The following NKAIN3 variants were observed in gnomAD, a reference collection of about 807,000 sequenced individuals.
NKAIN3 encodes sodium/potassium-transporting ATPase subunit beta-1-interacting protein 3.
In NKAIN3, 25 loss-of-function variants were observed where a neutral mutation model predicts 30.2. That is an observed-to-expected ratio of 0.83 (90% CI 0.60 to 1.16). The LOEUF is 1.16. Ranked by LOEUF, NKAIN3 falls within the 50% of genes most tolerant of loss-of-function variation. The pLI is 0.00. For missense variants in NKAIN3, 225 were observed against 254.1 expected, an observed-to-expected ratio of 0.89 and a Z score of 0.78; for synonymous variants, 91 against 89.6, an observed-to-expected ratio of 1.02 and a Z score of -0.09.
At chr8:62,799,839 G>A (rs1175824056) in intron 4 of NKAIN3, among the ~76,000 whole-genome samples, 2 of 152,070 alleles carry the variant, frequency 1.3e-5, no homozygotes, top group Non-Finnish European at 2.9e-5. Context: ...AGAAAATGTG[G>A]CATATATATA....
chr8:62,821,807 C>T (rs1366986712), intron 4 of NKAIN3, among the ~76,000 whole-genome samples: 3 of 151,586 alleles, frequency 2.0e-5, no homozygotes, highest in Admixed American at 1.3e-4. Flanking sequence ...ATTCACAAGC[C>T]CATGAGTGTG....
chr8:62,657,156 T>TTGCAAAGTA (rs1177720970), intron 3 of NKAIN3, among the ~76,000 whole-genome samples: 2 of 152,212 alleles, frequency 1.3e-5, no homozygotes, highest in Non-Finnish European at 2.9e-5. Context: ...GAATTCTACC[T>TTGCAAAGTA]TGCAAAGTAA....
At chr8:62,490,270 A>G (rs1321313420) in intron 1 of NKAIN3, among the ~76,000 whole-genome samples, 1 of 152,168 alleles carries the variant, frequency 6.6e-6, no homozygotes, top group Non-Finnish European at 1.5e-5. Context: ...CTTCCCTGAA[A>G]GAAGAAATTC....
chr8:62,631,543 C>G (rs574181563), intron 3 of NKAIN3, among the ~76,000 whole-genome samples: 1 of 152,112 alleles, frequency 6.6e-6, no homozygotes, highest in African/African-American at 2.4e-5. Context: ...AAAGAAAAGC[C>G]AAAATATTTA....
intron 1 of NKAIN3, among the ~76,000 whole-genome samples, chr8:62,489,325 G>C (rs928744060): frequency 2.6e-5 from 4 of 152,050 alleles, no homozygotes; most frequent in South Asian, 2.1e-4. Flanking sequence ...ACGCCCAGCT[G>C]TCTAAGTCTT....
intron 4 of NKAIN3, among the ~76,000 whole-genome samples, chr8:62,906,021 GA>G (rs1245073669): frequency 6.6e-6 from 1 of 152,160 alleles, no homozygotes; most frequent in African/African-American, 2.4e-5. Context: ...CACCCCCACA[GA>G]AAGTAGGCTG....
At chr8:62,353,035 C>T (rs558046486) in intron 1 of NKAIN3, among the ~76,000 whole-genome samples, 1 of 152,186 alleles carries the variant, frequency 6.6e-6, no homozygotes, top group Non-Finnish European at 1.5e-5. Flanking sequence ...ACAGTCTGCA[C>T]TCCCAGATGT....
intron 4 of NKAIN3, among the ~76,000 whole-genome samples, chr8:62,788,545 T>C (rs537180517): frequency 6.6e-6 from 1 of 152,124 alleles, no homozygotes; most frequent in Non-Finnish European, 1.5e-5. Context: ...TTAATTAGAT[T>C]CCGTTTGTCA....
chr8:62,325,687 AGGT>A (rs1294152222), intron 1 of NKAIN3, among the ~76,000 whole-genome samples: 8 of 152,092 alleles, frequency 5.3e-5, no homozygotes, highest in African/African-American at 1.7e-4. Flanking sequence ...TACAGGAATA[AGGT>A]GGTATCTTAT....
At chr8:62,703,359 C>T (rs1419409022) in intron 3 of NKAIN3, among the ~76,000 whole-genome samples, 2 of 151,990 alleles carry the variant, frequency 1.3e-5, no homozygotes, top group Admixed American at 6.6e-5. Flanking sequence ...ATCAACAGAA[C>T]ATTTTAGCAA....
In NKAIN3 at chr8:62,960,931, C is replaced by A. The variant is rs114002192; in HGVS notation, c.604-4423C>A. Among the ~76,000 whole-genome samples the A allele has an allele frequency of 5.7e-3, 871 of 152,074 alleles. 10 individuals carry two copies. The highest frequency in any genetic ancestry group is 0.02 in the African/African-American group (835 of 41,458). ...AAAGAGGGAGATGATCTCAAGGATC[C>A]CCAAAATCGAAGTATTCTATGCAGA... On this transcript the variant is annotated intron_variant, in intron 6 of 6. Coordinates refer to ENST00000623646, the MANE Select transcript of NKAIN3 (RefSeq NM_001304533.3).
chr8:62,636,379 A>T (rs138925286), intron 3 of NKAIN3, among the ~76,000 whole-genome samples: 130 of 152,290 alleles, frequency 8.5e-4, no homozygotes, highest in Non-Finnish European at 1.4e-3. Flanking sequence ...ACATACACAC[A>T]TATATATACC....
rs1586211636 is a variant in NKAIN3, at chr8:62,802,150, A to G, written c.471+55021A>G. ...GACCAAATCTACGTCTGATTGGTGT[A>G]CCTGAAAGTGACAGGGAGAATGGAA... On this transcript the variant is annotated intron_variant, in intron 4 of 6. Transcript: ENST00000623646. Among the ~76,000 whole-genome samples the G allele has an allele frequency of 3.9e-5, 6 of 152,368 alleles. No homozygotes were observed. In the South Asian group the frequency reaches 1.2e-3, roughly 32 times the overall value.
chr8:62,500,743 T>G (rs1379369162), intron 1 of NKAIN3, among the ~76,000 whole-genome samples: 1 of 152,124 alleles, frequency 6.6e-6, no homozygotes, highest in Non-Finnish European at 1.5e-5. Context: ...AGAGGGAGGT[T>G]GTCATGGAGA....
chr8:62,846,194 G>A (rs1245401588), intron 4 of NKAIN3, among the ~76,000 whole-genome samples: 1 of 152,160 alleles, frequency 6.6e-6, no homozygotes, highest in Non-Finnish European at 1.5e-5. Flanking sequence ...AGTAAATGAT[G>A]AATGTGCAAG....
At chr8:62,500,435 AAGAAAG>A (rs1358592645) in intron 1 of NKAIN3, among the ~76,000 whole-genome samples, 50 of 91,676 alleles carry the variant, frequency 5.5e-4, no homozygotes, top group Admixed American at 2.9e-3. Flanking sequence ...GAAAGAAAGA[AAGAAAG>A]AAAGAAAGAA....
At chr8:62,617,494 A>G (rs2130212416) in intron 3 of NKAIN3, among the ~76,000 whole-genome samples, 1 of 152,338 alleles carries the variant, frequency 6.6e-6, no homozygotes, top group South Asian at 2.1e-4. Flanking sequence ...AGTGCAAAGA[A>G]CTTGAAGCCA....
At chr8:62,803,958 A>G (rs1039622177) in intron 4 of NKAIN3, among the ~76,000 whole-genome samples, 8 of 152,302 alleles carry the variant, frequency 5.3e-5, no homozygotes, top group Middle Eastern at 6.8e-3. Flanking sequence ...CAGAAATACA[A>G]ACTACCATGA....
intron 5 of NKAIN3, among the ~76,000 whole-genome samples, chr8:62,946,822 T>A (rs560131671): frequency 5.8e-4 from 89 of 152,218 alleles, no homozygotes; most frequent in Admixed American, 1.2e-3. Flanking sequence ...GCCTCTCAGC[T>A]TCCTGAGTCT....
Sources: gnomAD v4.1 joint callset for allele counts (sites outside exome capture counted in the v4.1 genomes callset) on GRCh38, gnomAD v4.1.1 for gene constraint, MANE v1.5 for transcripts, NCBI Gene and HGNC (gene_info 2026-07-23, HGNC 2026-07-21) for gene names.